NR3C2: variants seen among roughly 807,000 people sequenced by gnomAD.
The protein encoded by NR3C2 is nuclear receptor subfamily 3 group C member 2.
Under a neutral mutation model 86.4 loss-of-function variants are expected in NR3C2, and 15 were observed. The observed-to-expected ratio is 0.17, with a 90% CI of 0.12 to 0.27. NR3C2 has a LOEUF of 0.27. Among genes scored for constraint, NR3C2 ranks in the 10% least tolerant of loss-of-function variants. The pLI, the probability that NR3C2 is intolerant of heterozygous loss-of-function variation, is 1.00. For synonymous variants in NR3C2, 458 were observed against 450.5 expected (o/e 1.02, Z -0.21); for missense variants, 960 against 1,195.6 (o/e 0.80, Z 2.91).
chr4:148,224,529 C>T (rs796459101), intron 3 of NR3C2, among the ~76,000 whole-genome samples: 84 of 152,340 alleles, frequency 5.5e-4, no homozygotes, highest in African/African-American at 1.9e-3. Context: ...GAAGCTCTCT[C>T]AAGTCTATGG....
intron 3 of NR3C2, among the ~76,000 whole-genome samples, chr4:148,254,573 G>A (rs1279933679): frequency 1.3e-5 from 2 of 152,180 alleles, no homozygotes; most frequent in African/African-American, 2.4e-5. Flanking sequence ...TTTGCCATTA[G>A]CACGACAGCC....
intron 2 of NR3C2, among the ~76,000 whole-genome samples, chr4:148,289,152 C>T (rs1178527837): frequency 4.6e-5 from 7 of 151,280 alleles, no homozygotes; most frequent in African/African-American, 1.7e-4. Flanking sequence ...TGTTAATTTT[C>T]TTAGGTATCA....
At chr4:148,423,893 G>T (rs1179170478) in intron 2 of NR3C2, among the ~76,000 whole-genome samples, 2 of 152,042 alleles carry the variant, frequency 1.3e-5, no homozygotes, top group East Asian at 3.9e-4. Flanking sequence ...TTGTATTTTT[G>T]GTAGAGACGG....
chr4:148,420,616 C>T (rs1749235034), intron 2 of NR3C2, among the ~76,000 whole-genome samples: 1 of 152,120 alleles, frequency 6.6e-6, no homozygotes. Context: ...CCACTCTGAC[C>T]ACATACCCAG....
chr4:148,433,792 A>AAGCAC (rs1431291697), intron 2 of NR3C2, among the ~76,000 whole-genome samples: 1 of 152,182 alleles, frequency 6.6e-6, no homozygotes, highest in Admixed American at 6.5e-5. Flanking sequence ...AAGTAAAGCA[A>AAGCAC]AGCACTAGCA....
At chr4:148,440,593 C>T (rs1165102377) in intron 1 of NR3C2, among the ~76,000 whole-genome samples, 2 of 152,324 alleles carry the variant, frequency 1.3e-5, no homozygotes, top group African/African-American at 2.4e-5. Flanking sequence ...ACATTATGAA[C>T]TTTTAATTTT....
chr4:148,245,277 T>C (rs1739264574), intron 3 of NR3C2, among the ~76,000 whole-genome samples: 1 of 152,154 alleles, frequency 6.6e-6, no homozygotes, highest in Non-Finnish European at 1.5e-5. Flanking sequence ...CTTGATAAGC[T>C]AAGTATTACC....
intron 2 of NR3C2, among the ~76,000 whole-genome samples, chr4:148,263,929 C>T (rs1356202669): frequency 1.3e-5 from 2 of 152,308 alleles, no homozygotes; most frequent in East Asian, 1.9e-4. Context: ...CCTAATCCCT[C>T]GAGGGCAAAA....
At chr4:148,406,739 A>T (rs1386999272) in intron 2 of NR3C2, among the ~76,000 whole-genome samples, 1 of 152,208 alleles carries the variant, frequency 6.6e-6, no homozygotes, top group Admixed American at 6.5e-5. Context: ...GGAGTTTTCA[A>T]ATACTAAACT....
chr4:148,134,643 CT>C lies in NR3C2; in HGVS notation c.2511-14356del, dbSNP rs1175816621. Among the ~76,000 whole-genome samples the C allele has an allele frequency of 1.1e-3, 43 of 40,804 alleles. 2 individuals are homozygous for C. The highest frequency in any genetic ancestry group is 2.2e-3 in the South Asian group (2 of 890). The allele number at this position is 40,804 out of a possible 152,430, so 26.8% of individuals were successfully genotyped here. A position where few individuals can be genotyped will look rare whatever the true frequency, so the allele number is the denominator to read the frequency against. On this transcript the variant is annotated intron_variant, in intron 6 of 8. Coordinates refer to ENST00000358102, the MANE Select transcript of NR3C2 (RefSeq NM_000901.5). ...CCTGTGATTCTCTCTCTCTCTCTCT[CT>C]TTTTTTTTTTTTTTTTTTTTTTTAG...
rs562717584 is a variant in NR3C2 at position 148,254,989 on chromosome 4, C to T, written c.1897+4989G>A. 1.1e-3 allele frequency among the ~76,000 whole-genome samples: 161 copies of T among 152,200 alleles called. 1 individual carries two copies. The highest frequency in any genetic ancestry group is 6.8e-3 in the Middle Eastern group (2 of 294). ...GGAGATAGCTATATTTGAATTATTA[C>T]GTAATATTAATATTAATAACATTCT... On this transcript the variant is annotated intron_variant, in intron 3 of 8. Transcript: ENST00000358102.
At chr4:148,393,916 C>A (rs1012005563) in intron 2 of NR3C2, among the ~76,000 whole-genome samples, 1 of 152,182 alleles carries the variant, frequency 6.6e-6, no homozygotes, top group East Asian at 1.9e-4. Context: ...TTTCCCACCC[C>A]TTGTGTCTTG....
intron 4 of NR3C2, among the ~76,000 whole-genome samples, chr4:148,172,455 T>G (rs34927488): frequency 0.02 from 3,070 of 152,278 alleles, 45 homozygotes; most frequent in Middle Eastern, 0.041. Flanking sequence ...GGATCAAGAC[T>G]TACGTGTTTT....
At chr4:148,189,258 T>A (rs1219096307) in intron 4 of NR3C2, among the ~76,000 whole-genome samples, 5 of 152,128 alleles carry the variant, frequency 3.3e-5, no homozygotes, top group Non-Finnish European at 2.9e-5. Flanking sequence ...CGATGCTGGA[T>A]TTTGTCTAAT....
At chr4:148,313,776 G>A (rs1164803784) in intron 2 of NR3C2, among the ~76,000 whole-genome samples, 1 of 152,124 alleles carries the variant, frequency 6.6e-6, no homozygotes, top group African/African-American at 2.4e-5. Flanking sequence ...CCTGCTGTAT[G>A]TCTTCTGTCT....
intron 3 of NR3C2, among the ~76,000 whole-genome samples, chr4:148,244,640 G>A (rs1039329583): frequency 2.0e-5 from 3 of 152,150 alleles, no homozygotes; most frequent in Non-Finnish European, 4.4e-5. Flanking sequence ...GCTACTACAG[G>A]CTGTCAACAA....
At chr4:148,392,164 C>T (rs894348131) in intron 2 of NR3C2, among the ~76,000 whole-genome samples, 4 of 152,102 alleles carry the variant, frequency 2.6e-5, no homozygotes, top group Admixed American at 2.6e-4. Flanking sequence ...TACTTAAGAT[C>T]TGACAGGACA....
chr4:148,270,522 C>T, intron 2 of NR3C2, among the ~76,000 whole-genome samples: 1 of 152,140 alleles, frequency 6.6e-6, no homozygotes. Context: ...CTTTTGCTGA[C>T]ATGACACCAT....
At chr4:148,261,831 T>C (rs1249707309) in intron 2 of NR3C2, among the ~76,000 whole-genome samples, 1 of 152,244 alleles carries the variant, frequency 6.6e-6, no homozygotes, top group African/African-American at 2.4e-5. Context: ...TTAATATTTG[T>C]TTAAAGTATT....
Sources: gnomAD v4.1 joint callset for allele counts (sites outside exome capture counted in the v4.1 genomes callset) on GRCh38, gnomAD v4.1.1 for gene constraint, MANE v1.5 for transcripts, NCBI Gene and HGNC (gene_info 2026-07-23, HGNC 2026-07-21) for gene names.